Variants in USPL1 observed in about 807,000 individuals in gnomAD.
USPL1 encodes ubiquitin specific peptidase like 1.
A neutral mutation model predicts 51.5 loss-of-function variants in USPL1; 27 were observed. The ratio of observed to expected loss-of-function variants is 0.52; its 90% CI spans 0.39 to 0.72. The LOEUF (loss-of-function observed/expected upper bound fraction) is 0.72. USPL1 is among the 30% of genes least tolerant of loss of function. The probability of loss-of-function intolerance (pLI) is 0.00; values close to 1 mark genes in which losing one functional copy is unlikely to be tolerated. For missense variants in USPL1, 1,226 were observed against 1,268.0 expected, an observed-to-expected ratio of 0.97 and a Z score of 0.50; for synonymous variants, 451 against 459.6, an observed-to-expected ratio of 0.98 and a Z score of 0.24.
intron 3 of USPL1, among the ~76,000 whole-genome samples, chr13:30,628,750 A>C (rs1950758488): frequency 6.6e-6 from 1 of 152,228 alleles, no homozygotes; most frequent in South Asian, 2.1e-4. Context: ...GTAATATTCC[A>C]CATTATGTGT....
At chr13:30,649,047 A>G (rs1414239308) in intron 7 of USPL1, among the ~76,000 whole-genome samples, 2 of 152,186 alleles carry the variant, frequency 1.3e-5, no homozygotes, top group Admixed American at 6.5e-5. Context: ...ACTGCAGCAT[A>G]TATATTTTTT....
At position 30,658,600 on chromosome 13, in the gene USPL1, C is replaced by G; in HGVS notation, c.2523C>G (p.His841Gln). Residue 841 changes from histidine (H) to glutamine (Q), a missense_variant, in exon 9 of 9, where the codon CAC becomes CAG. Physicochemically the swap from His to Gln is conservative, Grantham distance 24. Transcript: ENST00000255304. ...CATCGTCTAATGGCACAGCTGCCCACCCACATGCTCATGCTGCTTCAGAAG... is the reference window on the plus strand; with the variant it reads ...CATCGTCTAATGGCACAGCTGCCCAGCCACATGCTCATGCTGCTTCAGAAG... Reference protein sequence around the residue: ...GPPSSNGTAAHPHAHAASEVL... With the variant: ...GPPSSNGTAAQPHAHAASEVL... The G allele has an allele frequency of 1.2e-6, 2 of 1,614,224 alleles. No homozygotes were observed. Among genetic ancestry groups the G allele is most frequent in the East Asian group, 2.2e-5 (1 of 44,886 alleles).
intron 4 of USPL1, among the ~76,000 whole-genome samples, chr13:30,632,024 G>A (rs1175392002): frequency 6.6e-6 from 1 of 150,832 alleles, no homozygotes; most frequent in Non-Finnish European, 1.5e-5. Context: ...GTGCAGTTTT[G>A]TTACATAGGT....
Position 30,660,092 on chromosome 13 carries a change from C to T in USPL1, c.*736C>T, listed in dbSNP as rs574506890. The T allele has an allele frequency of 1.1e-4, 17 of 152,434 alleles. No individual in the cohort carries two copies. The highest frequency in any genetic ancestry group is 3.8e-4 in the African/African-American group (16 of 41,574). The allele number at this position is 152,434 out of a possible 1,614,324, so 9.4% of individuals were successfully genotyped here. A position where few individuals can be genotyped will look rare whatever the true frequency, so the allele number is the denominator to read the frequency against. Reference sequence around the variant, plus strand: ...AGGTTGTTCTGCCGTCTCTACAGGTCTCTGAAGCTCTTAGCAGAGAGGGTA... The same window carrying T: ...AGGTTGTTCTGCCGTCTCTACAGGTTTCTGAAGCTCTTAGCAGAGAGGGTA... On this transcript the variant is annotated 3_prime_UTR_variant, in exon 9 of 9. Coordinates refer to ENST00000255304, the MANE Select transcript of USPL1 (RefSeq NM_005800.5).
intron 3 of USPL1, among the ~76,000 whole-genome samples, chr13:30,628,564 G>T (rs1043909657): frequency 6.6e-6 from 1 of 152,118 alleles, no homozygotes; most frequent in Non-Finnish European, 1.5e-5. Context: ...ACAGGCCCCG[G>T]TGTGTGATGT....
At chr13:30,624,236 T>C (rs1950681548) in intron 3 of USPL1, among the ~76,000 whole-genome samples, 1 of 152,246 alleles carries the variant, frequency 6.6e-6, no homozygotes, top group East Asian at 1.9e-4. Context: ...CCCCCACACA[T>C]CTGGTCACAA....
chr13:30,634,194 A>G (rs970117545), intron 4 of USPL1, among the ~76,000 whole-genome samples: 8 of 152,202 alleles, frequency 5.3e-5, no homozygotes, highest in Admixed American at 3.3e-4. Context: ...CTGCAATACC[A>G]TGGCAATAGA....
chr13:30,635,847 T>G (rs1261611600), intron 4 of USPL1, among the ~76,000 whole-genome samples: 1 of 152,194 alleles, frequency 6.6e-6, no homozygotes, highest in Non-Finnish European at 1.5e-5. Context: ...AATTAATTAC[T>G]GACTAGTTTC....
Position 30,631,058 on chromosome 13 carries a change from C to G in USPL1, c.452C>G (p.Ser151Ter). The change falls in exon 4 of 9, where the codon TCA becomes TGA. Residue 151 changes from serine to a stop codon, truncating the protein, a stop_gained. Coordinates refer to ENST00000255304, the MANE Select transcript of USPL1 (RefSeq NM_005800.5). LOFTEE classifies it high-confidence loss of function. ...GGAGAAGTATATGACGAAACCTCGT[C>G]AAACTTACCTGATAGTAGTGGTCAA... is the stretch of plus-strand genomic sequence containing the variant. The part of the protein sequence containing the change: ...HNGEVYDETS[S>*]NLPDSSGQQN... The G allele has an allele frequency of 6.2e-7, 1 of 1,614,128 alleles. No homozygotes were observed. The highest frequency in any genetic ancestry group is 8.5e-7 in the Non-Finnish European group (1 of 1,180,024).
intron 6 of USPL1, among the ~76,000 whole-genome samples, chr13:30,646,404 T>A (rs1328167380): frequency 6.6e-6 from 1 of 152,234 alleles, no homozygotes; most frequent in Non-Finnish European, 1.5e-5. Flanking sequence ...ATTCCTGATT[T>A]TATGTTTGGA....
chr13:30,656,118 G>T (rs1225141503), intron 8 of USPL1, among the ~76,000 whole-genome samples: 1 of 152,180 alleles, frequency 6.6e-6, no homozygotes, highest in East Asian at 1.9e-4. Context: ...TAAGTAAAAT[G>T]TAAAGAAATA....
chr13:30,624,122 T>C, intron 3 of USPL1, among the ~76,000 whole-genome samples: 1 of 152,144 alleles, frequency 6.6e-6, no homozygotes, highest in East Asian at 1.9e-4. Context: ...GCCCTCAACC[T>C]GTAGGATCTG....
In USPL1 at chr13:30,650,522, A is replaced by C. The variant is rs151179314; in HGVS notation, c.1239-2626A>C. 2.4e-3 allele frequency among the ~76,000 whole-genome samples: 365 copies of C among 150,690 alleles called. 1 individual carries two copies. Among genetic ancestry groups the C allele is most frequent in the African/African-American group, 8.6e-3 (354 of 40,952 alleles). On this transcript the variant is annotated intron_variant, in intron 7 of 8. Coordinates refer to ENST00000255304, the MANE Select transcript of USPL1 (RefSeq NM_005800.5). The stretch of plus-strand genomic sequence containing the variant: ...AACTGGGGAGGCAAAGGTTTCAGTG[A>C]GCAGAGATTGTGCCACTGCACTCCA...
chr13:30,629,729 G>T (rs1404014916), intron 3 of USPL1, among the ~76,000 whole-genome samples: 6 of 152,136 alleles, frequency 3.9e-5, no homozygotes, highest in Non-Finnish European at 1.5e-5. Flanking sequence ...GGACTAAGAA[G>T]GAGTGTTCCA....
chr13:30,624,598 T>G (rs1282964353), intron 3 of USPL1, among the ~76,000 whole-genome samples: 1 of 151,920 alleles, frequency 6.6e-6, no homozygotes, highest in Non-Finnish European at 1.5e-5. Context: ...CCAGTCAGGA[T>G]GACAGAGTGT....
chr13:30,642,788 C>T (rs1460212751), intron 6 of USPL1, 31 bp downstream of exon 6: 4 of 1,598,448 alleles, frequency 2.5e-6, no homozygotes, highest in Non-Finnish European at 3.4e-6. Context: ...AAAATGGGTT[C>T]TTCTAGTTTC....
intron 6 of USPL1, among the ~76,000 whole-genome samples, chr13:30,643,432 A>C (rs1354574072): frequency 6.6e-6 from 1 of 152,146 alleles, no homozygotes; most frequent in Non-Finnish European, 1.5e-5. Context: ...CCACCACGTA[A>C]GGAGAGGAAT....
Position 30,660,309 on chromosome 13 carries a change from C to T in USPL1, c.*953C>T, listed in dbSNP as rs1003709097. On this transcript the variant is annotated 3_prime_UTR_variant, in exon 9 of 9. Transcript: ENST00000255304. The stretch of plus-strand genomic sequence containing the variant: ...CCTGTTCATGGCTTCCAGGCTTACC[C>T]CCCTGCTTTGATCTGAGAGCTGGTG... The T allele has an allele frequency of 6.6e-6, 1 of 152,278 alleles. No individual in the cohort carries two copies. The highest frequency in any genetic ancestry group is 1.9e-4 in the East Asian group (1 of 5,196). 9.4% of individuals were successfully genotyped at this position (152,278 alleles called of 1,614,324 possible). A position where few individuals can be genotyped will look rare whatever the true frequency, so the allele number is the denominator to read the frequency against.
At chr13:30,638,040 A>G (rs1270466026) in intron 5 of USPL1, among the ~76,000 whole-genome samples, 183 bp downstream of exon 5, 3 of 152,216 alleles carry the variant, frequency 2.0e-5, no homozygotes, top group Admixed American at 6.5e-5. Context: ...GCTGTTCCAT[A>G]TAAATATGTA....
Sources: gnomAD v4.1 joint callset for allele counts (sites outside exome capture counted in the v4.1 genomes callset) on GRCh38, gnomAD v4.1.1 for gene constraint, MANE v1.5 for transcripts, NCBI Gene and HGNC (gene_info 2026-07-23, HGNC 2026-07-21) for gene names.